The following CFAP251 variants were observed in gnomAD, a reference collection of about 807,000 sequenced individuals.
The protein encoded by CFAP251 is cilia and flagella associated protein 251, also known as cilia- and flagella-associated protein 251.
Under a neutral mutation model 126.7 loss-of-function variants are expected in CFAP251, and 93 were observed. That is an observed-to-expected ratio of 0.73 (90% CI 0.62 to 0.87). The LOEUF is 0.87. Ranked by LOEUF, CFAP251 falls within the 40% of genes least tolerant of loss-of-function variation. The pLI is 0.00. For missense variants in CFAP251, 1,287 were observed against 1,389.2 expected, an observed-to-expected ratio of 0.93 and a Z score of 1.17; for synonymous variants, 503 against 506.9, an observed-to-expected ratio of 0.99 and a Z score of 0.10.
intron 19 of CFAP251, among the ~76,000 whole-genome samples, chr12:121,986,469 T>G (rs542538626): frequency 1.4e-3 from 218 of 151,146 alleles, no homozygotes; most frequent in Non-Finnish European, 2.7e-3. Flanking sequence ...GGCTAATTTT[T>G]TTTTTGTATT....
At chr12:121,975,476 AGT>A in intron 18 of CFAP251, 64 bp from the exon 19 acceptor site, 1 of 1,597,902 alleles carries the variant, frequency 6.3e-7, no homozygotes, top group African/African-American at 1.3e-5. Context: ...ATGTCCTTGA[AGT>A]GTTCATGGAT....
chr12:121,939,806 T>C (rs1466374311), intron 5 of CFAP251, among the ~76,000 whole-genome samples: 1 of 152,204 alleles, frequency 6.6e-6, no homozygotes, highest in Non-Finnish European at 1.5e-5. Flanking sequence ...AGCTTAAAAA[T>C]CTTACTCTGT....
intron 21 of CFAP251, among the ~76,000 whole-genome samples, chr12:122,003,005 C>T (rs1883182285): frequency 6.6e-6 from 1 of 152,158 alleles, no homozygotes; most frequent in Non-Finnish European, 1.5e-5. Context: ...CCTTTATGTG[C>T]TTCAGATCTC....
At chr12:121,919,297 GA>G (rs1880060035) in intron 1 of CFAP251, among the ~76,000 whole-genome samples, 1 of 152,014 alleles carries the variant, frequency 6.6e-6, no homozygotes, top group African/African-American at 2.4e-5. Context: ...AAAATGTAGG[GA>G]TTTTTTTTGT....
chr12:121,938,021 G>A (rs569449514), intron 5 of CFAP251, among the ~76,000 whole-genome samples: 4 of 152,132 alleles, frequency 2.6e-5, no homozygotes. Context: ...TTTTGTTTTT[G>A]TGAGACAGGG....
intron 19 of CFAP251, among the ~76,000 whole-genome samples, chr12:121,980,425 T>C (rs1882592517): frequency 6.6e-6 from 1 of 150,696 alleles, no homozygotes; most frequent in Non-Finnish European, 1.5e-5. Flanking sequence ...TTTTTTTTTT[T>C]GGAGACAGGG....
chr12:121,930,895 C>T (rs1231805791), intron 3 of CFAP251, among the ~76,000 whole-genome samples: 2 of 151,638 alleles, frequency 1.3e-5, no homozygotes, highest in Non-Finnish European at 2.9e-5. Flanking sequence ...AGTAAAGGTG[C>T]GTGCCACCAC....
At chr12:121,964,217 T>A (rs1273758367) in intron 15 of CFAP251, among the ~76,000 whole-genome samples, 1 of 152,094 alleles carries the variant, frequency 6.6e-6, no homozygotes, top group Admixed American at 6.5e-5. Context: ...AAAAAATGAC[T>A]GAGAAATGCC....
At position 121,951,111 on chromosome 12, in the gene CFAP251, C is replaced by T. The variant is rs11043262; in HGVS notation, c.1270-369C>T. ...TAGTGCGCTCCTGTAATCCCAGCTACTCAGGAGGCTGAGGCAGGAGAATTG... is the reference window on the plus strand; with the variant it reads ...TAGTGCGCTCCTGTAATCCCAGCTATTCAGGAGGCTGAGGCAGGAGAATTG... On this transcript the variant is annotated intron_variant, in intron 8 of 21. Transcript: ENST00000288912. 693 of 159,970 alleles carry T rather than the reference C, an allele frequency of 4.3e-3. 8 individuals are homozygous for T. Among genetic ancestry groups the T allele is most frequent in the African/African-American group, 0.016 (656 of 41,596 alleles). 9.9% of individuals were successfully genotyped at this position (159,970 alleles called of 1,614,324 possible).
chr12:121,969,187 T>G, intron 17 of CFAP251: 1 of 985,428 alleles, frequency 1.0e-6, no homozygotes, highest in Non-Finnish European at 1.2e-6. Flanking sequence ...TGCACATCTT[T>G]CTTTTTATGG....
At chr12:121,928,648 A>ATACG (rs1565902589) in intron 3 of CFAP251, among the ~76,000 whole-genome samples, 8 of 48,556 alleles carry the variant, frequency 1.6e-4, no homozygotes, top group Non-Finnish European at 5.1e-4. Context: ...GTATATATAT[A>ATACG]TATATATACG....
intron 8 of CFAP251, 113 bp downstream of exon 8, chr12:121,949,174 G>T: frequency 5.4e-6 from 3 of 558,642 alleles, no homozygotes; most frequent in Non-Finnish European, 9.0e-6. Context: ...AGGAAGCAAT[G>T]AATATATATT....
chr12:121,967,014 T>C lies in CFAP251; in HGVS notation c.2552T>C (p.Val851Ala), dbSNP rs750879575. 1 of 1,614,228 alleles carries C rather than the reference T, an allele frequency of 6.2e-7. No individual in the cohort carries two copies. Among genetic ancestry groups the C allele is most frequent in the Non-Finnish European group, 8.5e-7 (1 of 1,180,016 alleles). The change falls in exon 16 of 22, where the codon GTG becomes GCG. Residue 851 changes from valine to alanine, a missense_variant. Physicochemically the swap from Val to Ala is moderately conservative, Grantham distance 64. Coordinates refer to ENST00000288912, the MANE Select transcript of CFAP251 (RefSeq NM_144668.6). ...ATTGAGCAGACACAAGTCCTCCCAG[T>C]GAGAAGCATGGCGGAGCTACAGAAA... ...SPIEQTQVLP[V>A]RSMAELQKRY...
chr12:121,934,139 C>A, intron 4 of CFAP251, 108 bp from the exon 5 acceptor site: 1 of 753,630 alleles, frequency 1.3e-6, no homozygotes, highest in Non-Finnish European at 2.1e-6. Context: ...GCCAGATGAG[C>A]GTTGAAAGGA....
chr12:121,937,120 C>G (rs1382280982), intron 5 of CFAP251, among the ~76,000 whole-genome samples: 1 of 152,222 alleles, frequency 6.6e-6, no homozygotes, highest in Non-Finnish European at 1.5e-5. Context: ...ACGATTTACT[C>G]TCTTGCAGTT....
intron 19 of CFAP251, chr12:121,992,546 T>A: frequency 5.8e-6 from 5 of 867,244 alleles, no homozygotes; most frequent in Non-Finnish European, 6.9e-6. Flanking sequence ...CATTGGTAAT[T>A]TATATATATT....
chr12:121,969,637 C>A, intron 17 of CFAP251: 1 of 741,688 alleles, frequency 1.3e-6, no homozygotes, highest in Non-Finnish European at 1.6e-6. Flanking sequence ...AGGCATATGC[C>A]AATGTGCCTG....
At chr12:121,959,189 T>TCATTGG in intron 13 of CFAP251, 95 bp downstream of exon 13, 1 of 1,296,512 alleles carries the variant, frequency 7.7e-7, no homozygotes, top group Non-Finnish European at 1.0e-6. Flanking sequence ...GTAATCCCAA[T>TCATTGG]GATTTGGGAG....
intron 21 of CFAP251, among the ~76,000 whole-genome samples, chr12:122,002,767 G>T (rs1016524531): frequency 6.6e-6 from 1 of 152,084 alleles, no homozygotes; most frequent in African/African-American, 2.4e-5. Context: ...GGCTCTTCTA[G>T]GCTCACTGGT....
Sources: gnomAD v4.1 joint callset for allele counts (sites outside exome capture counted in the v4.1 genomes callset) on GRCh38, gnomAD v4.1.1 for gene constraint, MANE v1.5 for transcripts, NCBI Gene and HGNC (gene_info 2026-07-23, HGNC 2026-07-21) for gene names.